Variants in PRELID2 observed in about 807,000 individuals in gnomAD.
The protein encoded by PRELID2 is PRELI domain-containing protein 2.
In PRELID2, 25 loss-of-function variants were observed where a neutral mutation model predicts 28.4. The observed-to-expected ratio is 0.88, with a 90% CI of 0.64 to 1.23. The LOEUF (loss-of-function observed/expected upper bound fraction) is 1.23. Among genes scored for constraint, PRELID2 ranks in the 50% most tolerant of loss-of-function variants. The pLI is 0.00. For missense variants in PRELID2, 201 were observed against 214.4 expected, an observed-to-expected ratio of 0.94 and a Z score of 0.39; for synonymous variants, 76 against 71.6, an observed-to-expected ratio of 1.06 and a Z score of -0.31.
rs190138382 is a variant in PRELID2, at chr5:145,680,605, T to C, written n.70+84326A>G. Among the ~76,000 whole-genome samples, 254 of 152,276 alleles carry C rather than the reference T, an allele frequency of 1.7e-3. 1 individual carries two copies. Among genetic ancestry groups the C allele is most frequent in the African/African-American group, 5.9e-3 (246 of 41,564 alleles). On this transcript the variant is annotated intron_variant and non_coding_transcript_variant, in intron 1 of 2. Transcript: ENST00000510259. ...GTTAATAGGGAAAAGTAGACAGAGA[T>C]GCAAAAACAATCGGAAACACAAGTC...
At chr5:145,571,825 C>T (rs1474968727) in intron 1 of PRELID2, among the ~76,000 whole-genome samples, 1 of 151,912 alleles carries the variant, frequency 6.6e-6, no homozygotes, top group African/African-American at 2.4e-5. Flanking sequence ...ACTAAAAATA[C>T]AACAAATTAG....
intron 1 of PRELID2, among the ~76,000 whole-genome samples, chr5:145,616,489 T>C (rs180710632): frequency 5.3e-5 from 8 of 151,946 alleles, no homozygotes; most frequent in African/African-American, 1.9e-4. Flanking sequence ...GTCTGAGAAA[T>C]AAAGGGACAA....
chr5:145,769,283 T>C (rs1189804630), intron 5 of PRELID2, among the ~76,000 whole-genome samples: 1 of 152,210 alleles, frequency 6.6e-6, no homozygotes, highest in Non-Finnish European at 1.5e-5. Flanking sequence ...AATGTACAGA[T>C]AAGTGAGCTA....
chr5:145,300,699 A>AC, the PRELID2 span, among the ~76,000 whole-genome samples: 20 of 124,002 alleles, frequency 1.6e-4, no homozygotes, highest in African/African-American at 5.5e-4. Flanking sequence ...ATTTTTATTT[A>AC]CTTTTTTTTT....
chr5:145,677,219 A>T (rs1464998453), intron 1 of PRELID2, among the ~76,000 whole-genome samples: 1 of 147,314 alleles, frequency 6.8e-6, no homozygotes, highest in African/African-American at 2.5e-5. Context: ...CAGTGGTGCA[A>T]TCTTGGCTCA....
At chr5:145,336,638 T>C in the PRELID2 span, among the ~76,000 whole-genome samples, 1 of 152,186 alleles carries the variant, frequency 6.6e-6, no homozygotes, top group South Asian at 2.1e-4. Flanking sequence ...TCTATGTCTC[T>C]GTTGCTATAA....
At chr5:145,526,205 C>A (rs967653612) in intron 1 of PRELID2, among the ~76,000 whole-genome samples, 1 of 152,144 alleles carries the variant, frequency 6.6e-6, no homozygotes, top group Non-Finnish European at 1.5e-5. Context: ...AACGTAGAAA[C>A]CAAAACTCAG....
At chr5:145,814,427 A>G (rs891216568) in intron 4 of PRELID2, among the ~76,000 whole-genome samples, 2 of 152,100 alleles carry the variant, frequency 1.3e-5, no homozygotes, top group Non-Finnish European at 2.9e-5. Context: ...TGAAACTCTT[A>G]TCATGAGAGA....
At chr5:145,418,914 A>G in the PRELID2 span, among the ~76,000 whole-genome samples, 2 of 145,052 alleles carry the variant, frequency 1.4e-5, no homozygotes, top group South Asian at 4.5e-4. Flanking sequence ...AGAGTGTGAT[A>G]TTCCCCTTCC....
At chr5:145,369,835 C>G in the PRELID2 span, among the ~76,000 whole-genome samples, 1 of 152,026 alleles carries the variant, frequency 6.6e-6, no homozygotes, top group East Asian at 1.9e-4. Context: ...GAGACAGTAT[C>G]TTATTGTGGT....
chr5:145,291,044 T>C, the PRELID2 span, among the ~76,000 whole-genome samples: 1 of 151,322 alleles, frequency 6.6e-6, no homozygotes, highest in African/African-American at 2.4e-5. Flanking sequence ...ACATCATTAC[T>C]TTAAAAAAAA....
chr5:145,807,048 C>A (rs1401981638), intron 4 of PRELID2, among the ~76,000 whole-genome samples: 1 of 152,156 alleles, frequency 6.6e-6, no homozygotes, highest in East Asian at 1.9e-4. Context: ...GTATTGTATA[C>A]ACTACACGTT....
chr5:145,629,608 A>G (rs760024394), intron 1 of PRELID2, among the ~76,000 whole-genome samples: 1 of 152,206 alleles, frequency 6.6e-6, no homozygotes, highest in East Asian at 1.9e-4. Context: ...TGTGCCAGGC[A>G]CTTTGCTAAA....
chr5:145,750,268 T>C lies in PRELID2; in HGVS notation n.70+14663A>G, dbSNP rs530455502. Among the ~76,000 whole-genome samples the C allele has an allele frequency of 1.8e-4, 28 of 151,964 alleles. No individual in the cohort carries two copies. In the South Asian group the frequency reaches 4.6e-3, roughly 25 times the overall value. On this transcript the variant is annotated intron_variant and non_coding_transcript_variant, in intron 1 of 2. Transcript: ENST00000510259. ...AACTATGTGCCAGGAACTGCTCCAA[T>C]TGTTTTACATGTCTCAACTCATTTA...
the PRELID2 span, among the ~76,000 whole-genome samples, chr5:145,329,634 T>A: frequency 1.3e-5 from 2 of 152,208 alleles, no homozygotes; most frequent in Non-Finnish European, 2.9e-5. Flanking sequence ...TGATTTTGTA[T>A]CCTGAGACTA....
chr5:145,391,856 T>G, the PRELID2 span, among the ~76,000 whole-genome samples: 1 of 152,138 alleles, frequency 6.6e-6, no homozygotes, highest in Non-Finnish European at 1.5e-5. Context: ...ATGCCACCAG[T>G]CTCTTTGCTA....
At chr5:145,490,403 T>C (rs376400819) in intron 1 of PRELID2, among the ~76,000 whole-genome samples, 1 of 152,202 alleles carries the variant, frequency 6.6e-6, no homozygotes, top group East Asian at 1.9e-4. Flanking sequence ...ATTTATATTA[T>C]GGATGTATTG....
chr5:145,544,753 G>T (rs898540027), intron 1 of PRELID2, among the ~76,000 whole-genome samples: 1 of 152,038 alleles, frequency 6.6e-6, no homozygotes, highest in Non-Finnish European at 1.5e-5. Context: ...GAAGATAACA[G>T]AATTCAAATT....
At chr5:145,605,949 G>T (rs1753497808) in intron 1 of PRELID2, among the ~76,000 whole-genome samples, 1 of 151,918 alleles carries the variant, frequency 6.6e-6, no homozygotes, top group Non-Finnish European at 1.5e-5. Context: ...TATTTCAGCA[G>T]ATTTTTTTAA....
Sources: allele counts gnomAD v4.1 joint callset (sites outside exome capture counted in the v4.1 genomes callset), GRCh38; gene constraint gnomAD v4.1.1; transcripts MANE v1.5; gene names NCBI Gene and HGNC (gene_info 2026-07-23, HGNC 2026-07-21).